PRG4: variants seen among roughly 807,000 people sequenced by gnomAD.
PRG4 encodes the protein articular superficial zone protein.
A neutral mutation model predicts 91.2 loss-of-function variants in PRG4; 61 were observed. That is an observed-to-expected ratio of 0.67 (90% CI 0.54 to 0.83). The LOEUF (loss-of-function observed/expected upper bound fraction) is 0.83, where lower values mean the gene tolerates loss of function less well. Among genes scored for constraint, PRG4 ranks in the 40% least tolerant of loss-of-function variants. The probability of loss-of-function intolerance (pLI) is 0.00; values close to 1 mark genes in which losing one functional copy is unlikely to be tolerated. For synonymous variants in PRG4, 576 were observed against 614.2 expected, an observed-to-expected ratio of 0.94 and a Z score of 0.92; for missense variants, 1,564 against 1,714.2, an observed-to-expected ratio of 0.91 and a Z score of 1.55.
At chr1:186,299,955 C>T (rs1571550243) in intron 2 of PRG4, 136 bp from the exon 3 acceptor site, 1 of 972,346 alleles carries the variant, frequency 1.0e-6, no homozygotes, top group Non-Finnish European at 1.6e-6. Flanking sequence ...TCAGCTGGGC[C>T]TATTGCTGAC....
chr1:186,307,617 C>T lies in PRG4; in HGVS notation c.1898C>T (p.Ala633Val). ...KLTPTTPEKLAPTTPEKPAPT... is the reference protein window; with the variant it reads ...KLTPTTPEKLVPTTPEKPAPT... Reference sequence around the variant, plus strand: ...ACGCCCACCACCCCCGAGAAGCTCGCACCCACCACCCCTGAGAAGCCCGCA... The same window carrying T: ...ACGCCCACCACCCCCGAGAAGCTCGTACCCACCACCCCTGAGAAGCCCGCA... The change falls in exon 7 of 13, where the codon GCA becomes GTA. Residue 633 changes from alanine to valine, a missense_variant. Ala to Val is a moderately conservative substitution (Grantham distance 64). Around this residue, in one of 3 missense-constraint regions of PRG4, gnomAD observed 1,079 missense variants for 1,162.2 expected, o/e 0.93. Coordinates refer to ENST00000445192, the MANE Select transcript of PRG4 (RefSeq NM_005807.6). The T allele has an allele frequency of 1.3e-6, 2 of 1,595,036 alleles. No individual in the cohort carries two copies. The highest frequency in any genetic ancestry group is 1.7e-6 in the Non-Finnish European group (2 of 1,173,214).
At chr1:186,305,894 AG>A (rs1656523457) in intron 6 of PRG4, among the ~76,000 whole-genome samples, 1 of 152,162 alleles carries the variant, frequency 6.6e-6, no homozygotes, top group African/African-American at 2.4e-5. Flanking sequence ...GCTCAGAGGT[AG>A]CTGTAGAGGC....
At position 186,313,090 on chromosome 1, in the gene PRG4, T is replaced by C. The variant is rs542610053; in HGVS notation, c.4117+196T>C. 36 of 597,288 alleles carry C rather than the reference T, an allele frequency of 6.0e-5. No individual in the cohort carries two copies. The East Asian group carries it at 9.4e-4, about 16-fold the overall frequency. The allele number at this position is 597,288 out of a possible 1,614,324, so 37.0% of individuals were successfully genotyped here. A position where few individuals can be genotyped will look rare whatever the true frequency, so the allele number is the denominator to read the frequency against. ...TGATGGCACTGCAATTCAATTCTGC[T>C]CTAACCTTCATGAGATTACGATAAA... On this transcript the variant is annotated intron_variant, in intron 12 of 12. Transcript: ENST00000445192.
rs945611865 is a variant in PRG4, at chr1:186,310,973, G to A, written c.3500-61G>A. The A allele has an allele frequency of 8.2e-6, 13 of 1,583,172 alleles. No individual in the cohort carries two copies. In the South Asian group the frequency reaches 9.1e-5, roughly 11 times the overall value. ...GAAAACTACATTTTTTTTCATTTTG[G>A]TTTCTTTTGTGATAGGTTTAGCATT... On this transcript the variant is annotated intron_variant, in intron 8 of 12. Coordinates refer to ENST00000445192, the MANE Select transcript of PRG4 (RefSeq NM_005807.6).
chr1:186,306,723 C>A lies in PRG4; in HGVS notation c.1004C>A (p.Ala335Asp). The A allele has an allele frequency of 6.2e-7, 1 of 1,613,722 alleles. No homozygotes were observed. The highest frequency in any genetic ancestry group is 1.7e-5 in the Admixed American group (1 of 59,980). Residue 335 changes from alanine (A) to aspartate (D), a missense_variant, in exon 7 of 13, where the codon GCT becomes GAT. Ala to Asp is a moderately radical substitution (Grantham distance 126). Around this residue, in one of 3 missense-constraint regions of PRG4, gnomAD observed 437 missense variants for 459.0 expected, o/e 0.95. Transcript: ENST00000445192. ...GTGCTGGCTAAACCTACACCCAAAG[C>A]TGAAACTACAACCAAAGGCCCTGCT... ...SKVLAKPTPK[A>D]ETTTKGPALT...
chr1:186,307,589 C>T lies in PRG4; in HGVS notation c.1870C>T (p.Leu624Phe), dbSNP rs374174849. Residue 624 changes from leucine (L) to phenylalanine (F), a missense_variant, in exon 7 of 13, where the codon CTC becomes TTC. Physicochemically the swap from Leu to Phe is conservative, Grantham distance 22 (BLOSUM62 0). Around this residue, in one of 3 missense-constraint regions of PRG4, gnomAD observed 1,079 missense variants for 1,162.2 expected, o/e 0.93. Transcript: ENST00000445192. ...GACTGCACCCACCACCCCCAAGAAG[C>T]TCACGCCCACCACCCCCGAGAAGCT... is the stretch of plus-strand genomic sequence containing the variant. ...KETAPTTPKK[L>F]TPTTPEKLAP... is the part of the protein sequence containing the mutation. 6.0e-5 allele frequency: 95 copies of T among 1,588,662 alleles called. No homozygotes were observed. Among genetic ancestry groups the T allele is most frequent in the Non-Finnish European group, 7.9e-5 (92 of 1,171,344 alleles).
intron 2 of PRG4, among the ~76,000 whole-genome samples, chr1:186,299,075 A>G (rs1013833818): frequency 6.6e-6 from 1 of 152,210 alleles, no homozygotes; most frequent in African/African-American, 2.4e-5. Flanking sequence ...AGGACAGTAC[A>G]CCTGCCAATT....
Position 186,308,911 on chromosome 1 carries a change from T to A in PRG4, c.3192T>A (p.Pro1064=). 6.2e-7 allele frequency: 1 copy of A among 1,612,854 alleles called. No homozygotes were observed. ...CATCAACAATGCCAGAATTGAACCCTACCTCAAGAATAGCAGAAGCCATGC... is the reference window on the plus strand; with the variant it reads ...CATCAACAATGCCAGAATTGAACCCAACCTCAAGAATAGCAGAAGCCATGC... ...KMTSTMPELN[P]TSRIAEAMLQ... Residue 1064 remains proline, a synonymous_variant, in exon 7 of 13, where the codon CCT becomes CCA. Transcript: ENST00000445192.
Position 186,301,578 on chromosome 1 carries a change from T to G in PRG4, c.200-14T>G. 1 of 1,613,822 alleles carries G rather than the reference T, an allele frequency of 6.2e-7. No homozygotes were observed. Among genetic ancestry groups the G allele is most frequent in the Non-Finnish European group, 8.5e-7 (1 of 1,179,896 alleles). ...CAATGAATAATCTGTAACTTCTTGT[T>G]TTGCTCTGGGTAGAGCTTTCCTGTA... On this transcript the variant is annotated splice_polypyrimidine_tract_variant and intron_variant, in intron 3 of 12. Transcript: ENST00000445192.
At position 186,314,224 on chromosome 1, in the gene PRG4, T is replaced by G; in HGVS notation, c.*446T>G. On this transcript the variant is annotated 3_prime_UTR_variant, in exon 13 of 13. Transcript: ENST00000445192. ...ACACAAGTACAATCTAAAAGTTATA[T>G]TGGAAAACATGGAAATATTAAAATT... 1 of 512,448 alleles carries G rather than the reference T, an allele frequency of 2.0e-6. No individual in the cohort carries two copies. Among genetic ancestry groups the G allele is most frequent in the Non-Finnish European group, 3.4e-6 (1 of 294,936 alleles). The allele number at this position is 512,448 out of a possible 1,614,324, so 31.7% of individuals were successfully genotyped here. A position where few individuals can be genotyped will look rare whatever the true frequency, so the allele number is the denominator to read the frequency against.
rs1465965282 is a variant in PRG4 at position 186,313,770 on chromosome 1, T to C, written c.4207T>C (p.Cys1403Arg). The C allele has an allele frequency of 6.2e-7, 1 of 1,601,112 alleles. No homozygotes were observed. Among genetic ancestry groups the C allele is most frequent in the African/African-American group, 1.3e-5 (1 of 74,624 alleles). The stretch of plus-strand genomic sequence containing the variant: ...GACCTTATCCAAAGTCTGGTACAAC[T>C]GTCCTTAGACTGATGAGCAAAGGAG... ...GQTLSKVWYNCP is the reference protein window; with the variant it reads ...GQTLSKVWYNRP Residue 1403 changes from cysteine to arginine, a missense_variant, in exon 13 of 13, where the codon TGT becomes CGT. Physicochemically the swap from Cys to Arg is radical, Grantham distance 180 (BLOSUM62 -3). This residue lies in a region of PRG4 where 1,079 missense variants were observed against 1,162.2 expected (regional missense o/e 0.93). Coordinates refer to ENST00000445192, the MANE Select transcript of PRG4 (RefSeq NM_005807.6).
Position 186,300,074 on chromosome 1 carries a change from G to A in PRG4, c.77-17G>A, listed in dbSNP as rs775261940. The A allele has an allele frequency of 6.2e-7, 1 of 1,613,892 alleles. No individual in the cohort carries two copies. The highest frequency in any genetic ancestry group is 1.1e-5 in the South Asian group (1 of 91,082). On this transcript the variant is annotated splice_polypyrimidine_tract_variant and intron_variant, in intron 2 of 12. Coordinates refer to ENST00000445192, the MANE Select transcript of PRG4 (RefSeq NM_005807.6). ...AAGTGGTTTGGCCATATTTACGCCA[G>A]TATTGTATAATTTTAGATTTATCAA...
At chr1:186,303,864 G>T (rs1656376351) in intron 4 of PRG4, among the ~76,000 whole-genome samples, 1 of 152,158 alleles carries the variant, frequency 6.6e-6, no homozygotes, top group Non-Finnish European at 1.5e-5. Flanking sequence ...CCTAGGACTG[G>T]AATTTAGGTC....
Position 186,306,833 on chromosome 1 carries a change from A to C in PRG4, c.1114A>C (p.Lys372Gln). 1 of 1,608,988 alleles carries C rather than the reference A, an allele frequency of 6.2e-7. No individual in the cohort carries two copies. The highest frequency in any genetic ancestry group is 8.5e-7 in the Non-Finnish European group (1 of 1,178,400). Reference protein sequence around the residue: ...TPKEPTPTTIKSAPTTPKEPA... With the variant: ...TPKEPTPTTIQSAPTTPKEPA... ...CAAAGAGCCCACACCTACCACCATC[A>C]AGTCTGCACCCACCACCCCCAAGGA... is the stretch of plus-strand genomic sequence containing the variant. The change falls in exon 7 of 13, where the codon AAG becomes CAG. Residue 372 changes from lysine to glutamine, a missense_variant. Physicochemically the swap from Lys to Gln is moderately conservative, Grantham distance 53. Around this residue, in one of 3 missense-constraint regions of PRG4, gnomAD observed 437 missense variants for 459.0 expected, o/e 0.95. Coordinates refer to ENST00000445192, the MANE Select transcript of PRG4 (RefSeq NM_005807.6).
At chr1:186,300,507 A>G (rs181820205) in intron 3 of PRG4, among the ~76,000 whole-genome samples, 1 of 152,340 alleles carries the variant, frequency 6.6e-6, no homozygotes, top group East Asian at 1.9e-4. Context: ...TAAATGTCTT[A>G]TTTTAAATAG....
At chr1:186,309,569 A>G (rs2102031091) in intron 7 of PRG4, among the ~76,000 whole-genome samples, 1 of 152,336 alleles carries the variant, frequency 6.6e-6, no homozygotes, top group South Asian at 2.1e-4. Context: ...AACCTGGTCC[A>G]TTCCAATTCA....
At chr1:186,297,677 TTTTTC>T (rs943429310) in intron 2 of PRG4, among the ~76,000 whole-genome samples, 20 of 152,328 alleles carry the variant, frequency 1.3e-4, no homozygotes, top group African/African-American at 4.1e-4. Context: ...AAGCTTTGGA[TTTTTC>T]TTTTCTTTTC....
intron 4 of PRG4, among the ~76,000 whole-genome samples, chr1:186,302,631 C>T (rs960410102): frequency 2.6e-5 from 4 of 152,130 alleles, no homozygotes; most frequent in East Asian, 1.9e-4. Context: ...GTTTCTTAAC[C>T]GTTCAATGTT....
intron 2 of PRG4, among the ~76,000 whole-genome samples, chr1:186,299,019 TTTTAAGA>T (rs1194946475): frequency 6.6e-6 from 1 of 152,228 alleles, no homozygotes; most frequent in East Asian, 1.9e-4. Flanking sequence ...GACTCTATTC[TTTTAAGA>T]TTTGTTTTCA....
Sources: gnomAD v4.1 joint callset for allele counts (sites outside exome capture counted in the v4.1 genomes callset) on GRCh38, gnomAD v4.1.1 for gene constraint, gnomAD v4.1.1 regional missense constraint, MANE v1.5 for transcripts, NCBI Gene and HGNC (gene_info 2026-07-23, HGNC 2026-07-21) for gene names.